DCDC1: variants seen among roughly 807,000 people sequenced by gnomAD.
DCDC1 encodes doublecortin domain-containing protein 1.
In DCDC1, 200 loss-of-function variants were observed where a neutral mutation model predicts 178.3. That is an observed-to-expected ratio of 1.12 (90% confidence interval 1.00 to 1.26). The LOEUF (loss-of-function observed/expected upper bound fraction) is 1.26, where lower values mean the gene tolerates loss of function less well. Ranked by LOEUF, DCDC1 falls within the 50% of genes most tolerant of loss-of-function variation. DCDC1 has a pLI of 0.00. For synonymous variants in DCDC1, 690 were observed against 604.8 expected (o/e 1.14, Z -2.07); for missense variants, 1,983 against 1,749.2 (o/e 1.13, Z -2.38).
At chr11:31,168,490 C>T (rs1966861414) in intron 9 of DCDC1, among the ~76,000 whole-genome samples, 1 of 152,146 alleles carries the variant, frequency 6.6e-6, no homozygotes, top group Non-Finnish European at 1.5e-5. Flanking sequence ...TATATTCCTG[C>T]CCTTAGCATA....
intron 32 of DCDC1, 56 bp from the exon 33 acceptor site, chr11:30,900,554 T>A (rs529472645): frequency 7.4e-7 from 1 of 1,346,838 alleles, no homozygotes; most frequent in African/African-American, 1.5e-5. Context: ...ATAAATTTGT[T>A]TTCTGAATTT....
chr11:31,150,078 C>G (rs775565919), intron 9 of DCDC1, among the ~76,000 whole-genome samples: 1 of 152,202 alleles, frequency 6.6e-6, no homozygotes, highest in Non-Finnish European at 1.5e-5. Flanking sequence ...TTCACCACAT[C>G]TACACTAACA....
intron 8 of DCDC1, among the ~76,000 whole-genome samples, chr11:31,258,452 G>C (rs1177363867): frequency 6.6e-6 from 1 of 152,192 alleles, no homozygotes; most frequent in East Asian, 1.9e-4. Context: ...GAAAAGAAGA[G>C]ACTCAATTGT....
rs183541305 is a variant in DCDC1, at chr11:31,301,557, G to A, written c.754+4058C>T. ...CAAATTCAGTAGACATATAATGGAAGAGAATATAATGCATGAATCCAGGTT... is the reference window on the plus strand; with the variant it reads ...CAAATTCAGTAGACATATAATGGAAAAGAATATAATGCATGAATCCAGGTT... On this transcript the variant is annotated intron_variant, in intron 6 of 38. Transcript: ENST00000684477. 8.1e-4 allele frequency among the ~76,000 whole-genome samples: 124 copies of A among 152,292 alleles called. 2 individuals carry two copies. The highest frequency in any genetic ancestry group is 8.0e-3 in the Admixed American group (122 of 15,302).
intron 21 of DCDC1, among the ~76,000 whole-genome samples, chr11:30,945,422 A>C (rs891723985): frequency 3.3e-5 from 5 of 151,748 alleles, no homozygotes; most frequent in African/African-American, 9.7e-5. Flanking sequence ...GGCCAGGTGC[A>C]GTGGCTCATG....
At chr11:31,048,010 C>T (rs1234476493) in intron 20 of DCDC1, among the ~76,000 whole-genome samples, 3 of 152,112 alleles carry the variant, frequency 2.0e-5, no homozygotes, top group South Asian at 2.1e-4. Flanking sequence ...ATACCAAGAA[C>T]TGGGCTCAAC....
At chr11:31,137,599 C>T (rs1267402587) in intron 10 of DCDC1, 93 bp downstream of exon 10, 16 of 607,644 alleles carry the variant, frequency 2.6e-5, no homozygotes, top group Middle Eastern at 2.8e-4. Context: ...CTTCCCGCCT[C>T]GGCCTCCCAA....
intron 6 of DCDC1, among the ~76,000 whole-genome samples, chr11:31,298,511 G>A (rs1273013377): frequency 6.6e-6 from 1 of 152,120 alleles, no homozygotes; most frequent in Non-Finnish European, 1.5e-5. Flanking sequence ...GCTGCTCAGG[G>A]ACTGCCATGT....
chr11:31,018,359 A>T (rs1952630241), intron 20 of DCDC1, among the ~76,000 whole-genome samples: 1 of 152,208 alleles, frequency 6.6e-6, no homozygotes, highest in Admixed American at 6.5e-5. Context: ...TAAGTTTGAC[A>T]TCGAGAGGAA....
chr11:31,349,194 T>C (rs1308926379), intron 1 of DCDC1, among the ~76,000 whole-genome samples: 2 of 152,226 alleles, frequency 1.3e-5, no homozygotes, highest in South Asian at 2.1e-4. Context: ...TGTTGCCTTA[T>C]TCTATGCTAC....
intron 8 of DCDC1, among the ~76,000 whole-genome samples, chr11:31,256,412 C>G (rs188305482): frequency 5.3e-5 from 8 of 152,120 alleles, no homozygotes; most frequent in Non-Finnish European, 4.4e-5. Context: ...TTATACTACT[C>G]CTTCAGGTTA....
intron 8 of DCDC1, among the ~76,000 whole-genome samples, chr11:31,257,380 A>G (rs993155094): frequency 3.3e-5 from 5 of 152,162 alleles, no homozygotes; most frequent in Admixed American, 1.3e-4. Flanking sequence ...TAAATCTCAT[A>G]AACCCAAACT....
chr11:30,873,362 T>TAGAGAGAGAG (rs1220218244), intron 38 of DCDC1, among the ~76,000 whole-genome samples: 145 of 138,038 alleles, frequency 1.1e-3, no homozygotes, highest in African/African-American at 3.6e-3. Flanking sequence ...TATATATATA[T>TAGAGAGAGAG]ATAGAGAGAG....
intron 20 of DCDC1, among the ~76,000 whole-genome samples, chr11:30,993,507 AT>A (rs1951095472): frequency 6.6e-6 from 1 of 152,148 alleles, no homozygotes; most frequent in African/African-American, 2.4e-5. Context: ...TTGAAAACCA[AT>A]GAACAACAGA....
chr11:31,024,751 C>T (rs1429230608), intron 20 of DCDC1, among the ~76,000 whole-genome samples: 3 of 151,694 alleles, frequency 2.0e-5, no homozygotes, highest in Non-Finnish European at 4.4e-5. Flanking sequence ...ATTTTTATGT[C>T]CTAATATTAT....
intron 20 of DCDC1, among the ~76,000 whole-genome samples, chr11:30,986,532 C>T (rs910695933): frequency 6.6e-6 from 1 of 151,966 alleles, no homozygotes; most frequent in African/African-American, 2.4e-5. Context: ...GGGGTTTCAC[C>T]ATGTTGGTCA....
intron 11 of DCDC1, among the ~76,000 whole-genome samples, chr11:31,114,105 A>G (rs1029182121): frequency 6.6e-6 from 1 of 152,132 alleles, no homozygotes; most frequent in Non-Finnish European, 1.5e-5. Flanking sequence ...GGCTAGTACT[A>G]ACTGAGCTAT....
intron 20 of DCDC1, among the ~76,000 whole-genome samples, chr11:31,022,824 A>G (rs1199917570): frequency 6.6e-6 from 1 of 151,946 alleles, no homozygotes; most frequent in East Asian, 1.9e-4. Context: ...AAGTACCTCA[A>G]AAGCAGGAAA....
intron 9 of DCDC1, among the ~76,000 whole-genome samples, chr11:31,221,057 C>T (rs1036267179): frequency 1.3e-5 from 2 of 152,098 alleles, no homozygotes; most frequent in African/African-American, 4.8e-5. Context: ...GTAAGGGCTT[C>T]AATCAGAGAA....
Sources: gnomAD v4.1 joint callset for allele counts (sites outside exome capture counted in the v4.1 genomes callset) on GRCh38, gnomAD v4.1.1 for gene constraint, MANE v1.5 for transcripts, NCBI Gene and HGNC (gene_info 2026-07-23, HGNC 2026-07-21) for gene names.